SIPA1L1: variants seen among roughly 807,000 people sequenced by gnomAD.
SIPA1L1 encodes signal-induced proliferation-associated 1-like protein 1.
In SIPA1L1, 26 loss-of-function variants were observed where a neutral mutation model predicts 162.7. The observed-to-expected ratio is 0.16, with a 90% CI of 0.12 to 0.22. The LOEUF is 0.22. Ranked by LOEUF, SIPA1L1 falls within the 10% of genes least tolerant of loss-of-function variation. The pLI, the probability that SIPA1L1 is intolerant of heterozygous loss-of-function variation, is 1.00. For synonymous variants in SIPA1L1, 829 were observed against 837.4 expected (o/e 0.99, Z 0.17); for missense variants, 1,874 against 2,241.0 (o/e 0.84, Z 3.31).
chr14:71,670,678 C>A (rs926645225), intron 10 of SIPA1L1, among the ~76,000 whole-genome samples: 2 of 152,162 alleles, frequency 1.3e-5, no homozygotes, highest in Non-Finnish European at 2.9e-5. Context: ...TTATAGCCAT[C>A]ATATCTAAAA....
At chr14:71,537,411 G>C (rs936908928) in intron 4 of SIPA1L1, among the ~76,000 whole-genome samples, 1 of 151,912 alleles carries the variant, frequency 6.6e-6, no homozygotes, top group African/African-American at 2.4e-5. Flanking sequence ...CACCATATTG[G>C]CCAGGCTGGT....
At chr14:71,634,503 A>G (rs1229408099) in intron 7 of SIPA1L1, among the ~76,000 whole-genome samples, 1 of 151,908 alleles carries the variant, frequency 6.6e-6, no homozygotes, top group African/African-American at 2.4e-5. Context: ...GTGGCATGAT[A>G]ATTTTTCAGG....
intron 13 of SIPA1L1, among the ~76,000 whole-genome samples, chr14:71,694,159 T>TGTC (rs1164427519): frequency 6.6e-6 from 1 of 152,178 alleles, no homozygotes; most frequent in East Asian, 1.9e-4. Flanking sequence ...GCACTATATA[T>TGTC]GTCGTCCTGT....
At chr14:71,649,861 A>G (rs1444658248) in intron 7 of SIPA1L1, among the ~76,000 whole-genome samples, 1 of 146,772 alleles carries the variant, frequency 6.8e-6, no homozygotes, top group Non-Finnish European at 1.5e-5. Flanking sequence ...CTAATTTTAC[A>G]AAAAAAAAAC....
intron 2 of SIPA1L1, among the ~76,000 whole-genome samples, chr14:71,448,436 A>G (rs1053033380): frequency 8.5e-5 from 13 of 152,138 alleles, no homozygotes; most frequent in African/African-American, 1.2e-4. Context: ...AACTTGCCCA[A>G]GGTTTATGGG....
intron 2 of SIPA1L1, among the ~76,000 whole-genome samples, chr14:71,384,795 A>G (rs893131268): frequency 2.6e-5 from 4 of 152,210 alleles, no homozygotes; most frequent in Non-Finnish European, 5.9e-5. Context: ...TTTAACTGGC[A>G]TGTCTTCTGT....
At position 71,513,883 on chromosome 14, in the gene SIPA1L1, G is replaced by A. The variant is rs141325230; in HGVS notation, c.-362+1038G>A. ...AATCTGTAGGTCAGGCTAGAAACTC[G>A]CAGATAGATGTTGATGCTGCGGTCA... On this transcript the variant is annotated intron_variant, in intron 3 of 23. Transcript: ENST00000381232. 1.4e-4 allele frequency among the ~76,000 whole-genome samples: 22 copies of A among 152,232 alleles called. No homozygotes were observed. The East Asian group carries it at 4.2e-3, about 29-fold the overall frequency.
chr14:71,720,410 G>A (rs1182158113), intron 17 of SIPA1L1, among the ~76,000 whole-genome samples: 1 of 152,000 alleles, frequency 6.6e-6, no homozygotes, highest in African/African-American at 2.4e-5. Flanking sequence ...GTGAAATTCT[G>A]TCTCTACTAA....
intron 2 of SIPA1L1, among the ~76,000 whole-genome samples, chr14:71,384,110 T>A (rs759711267): frequency 6.1e-4 from 93 of 152,302 alleles, no homozygotes; most frequent in Non-Finnish European, 9.9e-4. Context: ...ATTACTTGAA[T>A]TCTGCCTGTA....
At chr14:71,343,308 C>G (rs2035840206) in intron 2 of SIPA1L1, among the ~76,000 whole-genome samples, 1 of 152,182 alleles carries the variant, frequency 6.6e-6, no homozygotes, top group Admixed American at 6.5e-5. Context: ...ATCCACTCAG[C>G]AAATACTTTT....
chr14:71,724,829 T>C lies in SIPA1L1; in HGVS notation c.4608T>C (p.Ser1536=). Residue 1536 remains serine (S), a synonymous_variant, in exon 19 of 24, where the codon AGT becomes AGC. Transcript: ENST00000381232. ...LESPTPESQK[S]FKFHALSSPQ... Reference sequence around the variant, plus strand: ...GCCCAACTCCTGAATCACAGAAGAGTTTTAAGGTACAAGACAGAGCTCAGG... The same window carrying C: ...GCCCAACTCCTGAATCACAGAAGAGCTTTAAGGTACAAGACAGAGCTCAGG... 6.2e-7 allele frequency: 1 copy of C among 1,613,230 alleles called. No individual in the cohort carries two copies. The highest frequency in any genetic ancestry group is 8.5e-7 in the Non-Finnish European group (1 of 1,179,758).
At position 71,517,575 on chromosome 14, in the gene SIPA1L1, G is replaced by A. The variant is rs187091327; in HGVS notation, c.-362+4730G>A. Among the ~76,000 whole-genome samples the A allele has an allele frequency of 1.2e-4, 19 of 152,248 alleles. No individual in the cohort carries two copies. The East Asian group carries it at 3.3e-3, about 26-fold the overall frequency. On this transcript the variant is annotated intron_variant, in intron 3 of 23. Coordinates refer to ENST00000381232, the MANE Select transcript of SIPA1L1 (RefSeq NM_001386936.1). The stretch of plus-strand genomic sequence containing the variant: ...AAATTGCTGGATGGTAGGATATGCC[G>A]TACCATCTGCCTACCTAACATCTTG...
intron 2 of SIPA1L1, among the ~76,000 whole-genome samples, chr14:71,339,976 T>C (rs529717752): frequency 2.0e-5 from 3 of 152,344 alleles, no homozygotes; most frequent in Admixed American, 2.0e-4. Flanking sequence ...CAGTCATCTG[T>C]TGGGACCAGA....
chr14:71,484,539 C>T (rs891504393), intron 2 of SIPA1L1, among the ~76,000 whole-genome samples: 11 of 152,006 alleles, frequency 7.2e-5, no homozygotes, highest in African/African-American at 2.7e-4. Context: ...GCATTATTTT[C>T]ATTTTATGAT....
At chr14:71,536,135 A>T (rs2053876864) in intron 4 of SIPA1L1, among the ~76,000 whole-genome samples, 2 of 152,130 alleles carry the variant, frequency 1.3e-5, no homozygotes, top group South Asian at 2.1e-4. Flanking sequence ...AAAAAAAAAA[A>T]AAAGAGTCTG....
intron 12 of SIPA1L1, among the ~76,000 whole-genome samples, chr14:71,673,867 A>T (rs576746978): frequency 1.3e-5 from 2 of 152,324 alleles, no homozygotes; most frequent in South Asian, 2.1e-4. Context: ...AATGAACCTT[A>T]TTAGCCTTTT....
rs2041839234 is a variant in SIPA1L1 at position 71,403,644 on chromosome 14, A to C, written c.-465+82463A>C. The stretch of plus-strand genomic sequence containing the variant: ...AAAAAATCTTAATCATATTGTTTTC[A>C]CATTCTACTTTTTTAAAATGGCTAT... On this transcript the variant is annotated intron_variant, in intron 2 of 23. Coordinates refer to ENST00000381232, the MANE Select transcript of SIPA1L1 (RefSeq NM_001386936.1). Among the ~76,000 whole-genome samples, 5 of 151,186 alleles carry C rather than the reference A, an allele frequency of 3.3e-5. No homozygotes were observed. The South Asian group carries it at 1.0e-3, about 31-fold the overall frequency.
chr14:71,509,939 G>GT (rs1196828646), intron 2 of SIPA1L1, among the ~76,000 whole-genome samples: 11 of 151,830 alleles, frequency 7.2e-5, no homozygotes, highest in Non-Finnish European at 1.0e-4. Context: ...AATCTCCTGG[G>GT]TTTTTTTGGA....
chr14:71,354,155 A>C (rs1440679943), intron 2 of SIPA1L1, among the ~76,000 whole-genome samples: 1 of 152,150 alleles, frequency 6.6e-6, no homozygotes, highest in Non-Finnish European at 1.5e-5. Flanking sequence ...TGATGTTGAT[A>C]CTATTAACAA....
Sources: allele counts gnomAD v4.1 joint callset (sites outside exome capture counted in the v4.1 genomes callset), GRCh38; gene constraint gnomAD v4.1.1; transcripts MANE v1.5; gene names NCBI Gene and HGNC (gene_info 2026-07-23, HGNC 2026-07-21).